The following BTNL3 variants were observed in gnomAD, a reference collection of about 807,000 sequenced individuals.
The protein encoded by BTNL3 is butyrophilin-like protein 3.
Under a neutral mutation model 40.1 loss-of-function variants are expected in BTNL3, and 20 were observed. That is an observed-to-expected ratio of 0.50 (90% CI 0.35 to 0.72). The LOEUF is 0.72. Ranked by LOEUF, BTNL3 falls within the 30% of genes least tolerant of loss-of-function variation. The pLI, the probability that BTNL3 is intolerant of heterozygous loss-of-function variation, is 0.01. For missense variants in BTNL3, 449 were observed against 582.2 expected (o/e 0.77, Z 2.35); for synonymous variants, 179 against 222.1 (o/e 0.81, Z 1.73).
intron 4 of BTNL3, 39 bp downstream of exon 4, chr5:181,002,824 A>G: frequency 7.0e-7 from 1 of 1,433,440 alleles, no homozygotes; most frequent in Non-Finnish European, 9.6e-7. Flanking sequence ...TACCTTCTTC[A>G]TGGTTCCAGT....
chr5:180,996,427 A>G (rs961393255), intron 2 of BTNL3, among the ~76,000 whole-genome samples: 1 of 135,936 alleles, frequency 7.4e-6, no homozygotes, highest in African/African-American at 2.5e-5. Flanking sequence ...AGGCCTTGCC[A>G]TAACTCCCAC....
chr5:180,998,993 G>A lies in BTNL3; in HGVS notation c.673+1505G>A, dbSNP rs761138796. On this transcript the variant is annotated intron_variant, in intron 3 of 7. Transcript: ENST00000342868. ...AATACAAAAATTAGCCGGGTGTGGTGGCGGGTGCCTGTAATCCCAGCTACC... is the reference window on the plus strand; with the variant it reads ...AATACAAAAATTAGCCGGGTGTGGTAGCGGGTGCCTGTAATCCCAGCTACC... Among the ~76,000 whole-genome samples, 5 of 136,166 alleles carry A rather than the reference G, an allele frequency of 3.7e-5. 1 individual carries two copies. Among genetic ancestry groups the A allele is most frequent in the Non-Finnish European group, 8.4e-5 (5 of 59,662 alleles). 89.3% of individuals were successfully genotyped at this position (136,166 alleles called of 152,430 possible).
chr5:180,989,891 G>A (rs1685440199), intron 1 of BTNL3, among the ~76,000 whole-genome samples: 1 of 136,814 alleles, frequency 7.3e-6, no homozygotes, highest in South Asian at 2.2e-4. Flanking sequence ...AGGGCGTGGT[G>A]GCTCACACCT....
chr5:180,992,238 T>TA (rs932738219), intron 1 of BTNL3, among the ~76,000 whole-genome samples: 3 of 136,476 alleles, frequency 2.2e-5, no homozygotes, highest in East Asian at 2.2e-4. Context: ...GAAGTCTACT[T>TA]AAAAAAAAGA....
Position 181,002,224 on chromosome 5 carries a change from C to G in BTNL3, c.674-448C>G, listed in dbSNP as rs1196953129. On this transcript the variant is annotated intron_variant, in intron 3 of 7. Coordinates refer to ENST00000342868, the MANE Select transcript of BTNL3 (RefSeq NM_197975.3). Reference sequence around the variant, plus strand: ...CAAATCCAAGCTTGAACATGAGGTACACAGAGGTGACCTTGCATGTGTGGC... The same window carrying G: ...CAAATCCAAGCTTGAACATGAGGTAGACAGAGGTGACCTTGCATGTGTGGC... 1.5e-5 allele frequency among the ~76,000 whole-genome samples: 2 copies of G among 130,496 alleles called. 1 individual carries two copies. The allele number at this position is 130,496 out of a possible 152,430, so 85.6% of individuals were successfully genotyped here. A position where few individuals can be genotyped will look rare whatever the true frequency, so the allele number is the denominator to read the frequency against.
chr5:181,004,650 G>A, intron 6 of BTNL3, 86 bp from the exon 7 acceptor site: 6 of 1,612,982 alleles, frequency 3.7e-6, no homozygotes, highest in Non-Finnish European at 5.1e-6. Context: ...ACTCAAAAAG[G>A]GTCCCAATCC....
intron 7 of BTNL3, 123 bp downstream of exon 7, chr5:181,004,885 T>C: frequency 6.4e-7 from 1 of 1,567,360 alleles, no homozygotes; most frequent in Admixed American, 1.8e-5. Context: ...AGGGTGCAGC[T>C]GCCTCTAAAT....
chr5:181,006,137 C>A lies in BTNL3; in HGVS notation c.*265C>A, dbSNP rs964035552. 4.4e-6 allele frequency: 2 copies of A among 453,352 alleles called. No individual in the cohort carries two copies. The highest frequency in any genetic ancestry group is 7.7e-6 in the Non-Finnish European group (2 of 259,956). 28.1% of individuals were successfully genotyped at this position (453,352 alleles called of 1,614,324 possible). A position where few individuals can be genotyped will look rare whatever the true frequency, so the allele number is the denominator to read the frequency against. ...CTGAAGTGGGGACGGAATAGACTCA[C>A]ATTAGGTTTAGTTTGTGAAAACTCC... On this transcript the variant is annotated 3_prime_UTR_variant, in exon 8 of 8. Transcript: ENST00000342868.
At chr5:180,992,532 T>C (rs576572673) in intron 1 of BTNL3, among the ~76,000 whole-genome samples, 1 of 136,942 alleles carries the variant, frequency 7.3e-6, no homozygotes, top group South Asian at 2.2e-4. Context: ...CTCAGGCCCC[T>C]GAATAACTCA....
rs1018591342 is a variant in BTNL3 at position 181,005,691 on chromosome 5, T to C, written c.1220T>C (p.Val407Ala). ...CCCCCCAGCACCCCTCCTACACGAGTAGGGGTCTTCCTGGACTATGAGGGT... is the reference window on the plus strand; with the variant it reads ...CCCCCCAGCACCCCTCCTACACGAGCAGGGGTCTTCCTGGACTATGAGGGT... ...SLPPSTPPTR[V>A]GVFLDYEGGT... The change falls in exon 8 of 8, where the codon GTA becomes GCA. Residue 407 changes from valine to alanine, a missense_variant. Val to Ala is a moderately conservative substitution (Grantham distance 64, BLOSUM62 0). Coordinates refer to ENST00000342868, the MANE Select transcript of BTNL3 (RefSeq NM_197975.3). 2 of 1,613,982 alleles carry C rather than the reference T, an allele frequency of 1.2e-6. No individual in the cohort carries two copies. The highest frequency in any genetic ancestry group is 1.7e-6 in the Non-Finnish European group (2 of 1,179,966).
At position 181,002,264 on chromosome 5, in the gene BTNL3, G is replaced by A. The variant is rs1445931403; in HGVS notation, c.674-408G>A. 1.6e-5 allele frequency among the ~76,000 whole-genome samples: 2 copies of A among 127,296 alleles called. 1 individual carries two copies. Among genetic ancestry groups the A allele is most frequent in the Non-Finnish European group, 3.5e-5 (2 of 56,342 alleles). The allele number at this position is 127,296 out of a possible 152,430, so 83.5% of individuals were successfully genotyped here. On this transcript the variant is annotated intron_variant, in intron 3 of 7. Coordinates refer to ENST00000342868, the MANE Select transcript of BTNL3 (RefSeq NM_197975.3). Reference sequence around the variant, plus strand: ...GCATGTGTGGCAGTGTGTAAAGCAAGGTCCACTCAACAAACATTGCCAGCA... The same window carrying A: ...GCATGTGTGGCAGTGTGTAAAGCAAAGTCCACTCAACAAACATTGCCAGCA...
rs1465987219 is a variant in BTNL3 at position 181,006,680 on chromosome 5, T to A, written c.*808T>A. 1 of 152,202 alleles carries A rather than the reference T, an allele frequency of 6.6e-6. No homozygotes were observed. Among genetic ancestry groups the A allele is most frequent in the Non-Finnish European group, 1.5e-5 (1 of 68,044 alleles). The allele number at this position is 152,202 out of a possible 1,614,324, so 9.4% of individuals were successfully genotyped here. A position where few individuals can be genotyped will look rare whatever the true frequency, so the allele number is the denominator to read the frequency against. On this transcript the variant is annotated 3_prime_UTR_variant, in exon 8 of 8. Transcript: ENST00000342868. ...GCAGAGTTGGTTTAATATTTAAATA[T>A]CAACCAGTGTAATTCAGCACATTAA...
At chr5:180,999,880 A>G (rs1010617955) in intron 3 of BTNL3, among the ~76,000 whole-genome samples, 8 of 136,814 alleles carry the variant, frequency 5.8e-5, no homozygotes, top group African/African-American at 1.3e-4. Flanking sequence ...TGTAACCATG[A>G]AAGAGGTGGA....
intron 7 of BTNL3, 43 bp downstream of exon 7, chr5:181,004,805 G>C: frequency 1.2e-6 from 2 of 1,614,120 alleles, no homozygotes; most frequent in Non-Finnish European, 1.7e-6. Flanking sequence ...GGAGTAGGAA[G>C]ATGACCAGTG....
At position 181,006,020 on chromosome 5, in the gene BTNL3, C is replaced by G. The variant is rs896428452; in HGVS notation, c.*148C>G. On this transcript the variant is annotated 3_prime_UTR_variant, in exon 8 of 8. Transcript: ENST00000342868. ...CACTCTCCTTTAGGGAGCTGAGGTT[C>G]TTCTGCCCTGAGCCCTGCAGCAGCG... is the stretch of plus-strand genomic sequence containing the variant. 3 of 905,430 alleles carry G rather than the reference C, an allele frequency of 3.3e-6. No homozygotes were observed. The highest frequency in any genetic ancestry group is 3.0e-5 in the Admixed American group (1 of 33,388). The allele number at this position is 905,430 out of a possible 1,614,324, so 56.1% of individuals were successfully genotyped here.
chr5:181,001,830 G>A lies in BTNL3; in HGVS notation c.674-842G>A, dbSNP rs796337142. 1.3e-4 allele frequency among the ~76,000 whole-genome samples: 15 copies of A among 117,482 alleles called. 1 individual carries two copies. The highest frequency in any genetic ancestry group is 4.5e-4 in the African/African-American group (15 of 33,438). 77.1% of individuals were successfully genotyped at this position (117,482 alleles called of 152,430 possible). ...ACTGCACTCCTCCCTGGGCAACAGAGCGAGACTCTGTCTCAACAAAACAAA... is the reference window on the plus strand; with the variant it reads ...ACTGCACTCCTCCCTGGGCAACAGAACGAGACTCTGTCTCAACAAAACAAA... On this transcript the variant is annotated intron_variant, in intron 3 of 7. Coordinates refer to ENST00000342868, the MANE Select transcript of BTNL3 (RefSeq NM_197975.3).
At position 181,006,036 on chromosome 5, in the gene BTNL3, T is replaced by TGCAGCAGCGGCAGTC. The variant is rs1760225575; in HGVS notation, c.*165_*179dup. 2.1e-5 allele frequency: 16 copies of TGCAGCAGCGGCAGTC among 757,322 alleles called. No individual in the cohort carries two copies. In the South Asian group the frequency reaches 4.0e-4, roughly 19 times the overall value. The allele number at this position is 757,322 out of a possible 1,614,324, so 46.9% of individuals were successfully genotyped here. On this transcript the variant is annotated 3_prime_UTR_variant, in exon 8 of 8. Transcript: ENST00000342868. Reference sequence around the variant, plus strand: ...GCTGAGGTTCTTCTGCCCTGAGCCCTGCAGCAGCGGCAGTCACAGCTTCCA... The same window carrying TGCAGCAGCGGCAGTC: ...GCTGAGGTTCTTCTGCCCTGAGCCCTGCAGCAGCGGCAGTCGCAGCAGCGGCAGTCACAGCTTCCA...
Position 180,997,312 on chromosome 5 carries a change from A to C in BTNL3, c.497A>C (p.Lys166Thr). The change falls in exon 3 of 8, where the codon AAG becomes ACG. Residue 166 changes from lysine to threonine, a missense_variant. Physicochemically the swap from Lys to Thr is moderately conservative, Grantham distance 78. This residue lies in a region of BTNL3 where 323 missense variants were observed against 464.9 expected (regional missense o/e 0.69). Transcript: ENST00000342868. ...SSGWFPQPTA[K>T]WKGPQGQDLS... is the part of the protein sequence containing the mutation. ...GGCTGGTTCCCCCAGCCCACAGCCAAGTGGAAAGGTCCACAAGGACAGGAT... is the reference window on the plus strand; with the variant it reads ...GGCTGGTTCCCCCAGCCCACAGCCACGTGGAAAGGTCCACAAGGACAGGAT... 1 of 1,464,694 alleles carries C rather than the reference A, an allele frequency of 6.8e-7. No homozygotes were observed. Among genetic ancestry groups the C allele is most frequent in the South Asian group, 1.1e-5 (1 of 89,308 alleles). 90.7% of individuals were successfully genotyped at this position (1,464,694 alleles called of 1,614,324 possible). A position where few individuals can be genotyped will look rare whatever the true frequency, so the allele number is the denominator to read the frequency against.
Position 181,006,122 on chromosome 5 carries a change from G to A in BTNL3, c.*250G>A. 2.1e-6 allele frequency: 1 copy of A among 485,042 alleles called. No homozygotes were observed. 30.0% of individuals were successfully genotyped at this position (485,042 alleles called of 1,614,324 possible). A position where few individuals can be genotyped will look rare whatever the true frequency, so the allele number is the denominator to read the frequency against. The stretch of plus-strand genomic sequence containing the variant: ...GAAGCCATGGCTGCCCTGAAGTGGG[G>A]ACGGAATAGACTCACATTAGGTTTA... On this transcript the variant is annotated 3_prime_UTR_variant, in exon 8 of 8. Coordinates refer to ENST00000342868, the MANE Select transcript of BTNL3 (RefSeq NM_197975.3).
Sources: gnomAD v4.1 joint callset for allele counts (sites outside exome capture counted in the v4.1 genomes callset) on GRCh38, gnomAD v4.1.1 for gene constraint, gnomAD v4.1.1 regional missense constraint, MANE v1.5 for transcripts, NCBI Gene and HGNC (gene_info 2026-07-23, HGNC 2026-07-21) for gene names.